Variants in MARCHF11 observed in about 807,000 individuals in gnomAD.
The protein encoded by MARCHF11 is membrane associated ring-CH-type finger 11.
In MARCHF11, 29 loss-of-function variants were observed where a neutral mutation model predicts 37.3. The ratio of observed to expected loss-of-function variants is 0.78; its 90% CI spans 0.58 to 1.06. MARCHF11 has a LOEUF of 1.06. MARCHF11 is among the 50% of genes least tolerant of loss of function. MARCHF11 has a pLI of 0.00. For missense variants in MARCHF11, 482 were observed against 533.4 expected, an observed-to-expected ratio of 0.90 and a Z score of 0.95; for synonymous variants, 233 against 228.0, an observed-to-expected ratio of 1.02 and a Z score of -0.20.
intron 2 of MARCHF11, among the ~76,000 whole-genome samples, chr5:16,126,172 G>T (rs1376139045): frequency 1.3e-5 from 2 of 152,140 alleles, no homozygotes; most frequent in African/African-American, 4.8e-5. Flanking sequence ...AAGGGATAAA[G>T]AATCCATCAC....
At chr5:16,175,236 C>T (rs1738335663) in intron 2 of MARCHF11, among the ~76,000 whole-genome samples, 1 of 152,230 alleles carries the variant, frequency 6.6e-6, no homozygotes, top group African/African-American at 2.4e-5. Flanking sequence ...TGACTCTTAA[C>T]AGATCATAAA....
At chr5:16,160,957 CTG>C (rs1738066144) in intron 2 of MARCHF11, among the ~76,000 whole-genome samples, 1 of 151,998 alleles carries the variant, frequency 6.6e-6, no homozygotes, top group African/African-American at 2.4e-5. Context: ...TGACGTCTAA[CTG>C]AGGACATGGA....
intron 2 of MARCHF11, among the ~76,000 whole-genome samples, chr5:16,162,863 G>A (rs182274637): frequency 6.6e-6 from 1 of 151,990 alleles, no homozygotes; most frequent in Non-Finnish European, 1.5e-5. Context: ...GAATCAATAA[G>A]AGACCATCAA....
Position 16,162,922 on chromosome 5 carries a change from T to C in MARCHF11, c.693+14804A>G, listed in dbSNP as rs528242612. ...ACTTGATTTCATCCTTCCAACAACA[T>C]TAAGAAATGAAACATAGAGTAGCGT... On this transcript the variant is annotated intron_variant, in intron 2 of 3. Coordinates refer to ENST00000332432, the MANE Select transcript of MARCHF11 (RefSeq NM_001102562.3). Among the ~76,000 whole-genome samples the C allele has an allele frequency of 3.3e-5, 5 of 151,938 alleles. No homozygotes were observed. The East Asian group carries it at 9.7e-4, about 30-fold the overall frequency.
chr5:16,121,922 A>G (rs1737314852), intron 2 of MARCHF11, among the ~76,000 whole-genome samples: 1 of 152,198 alleles, frequency 6.6e-6, no homozygotes, highest in African/African-American at 2.4e-5. Flanking sequence ...TCTGCCAGGT[A>G]CTAGTCTATG....
chr5:16,156,710 G>A (rs1016420707), intron 2 of MARCHF11, among the ~76,000 whole-genome samples: 4 of 151,716 alleles, frequency 2.6e-5, no homozygotes, highest in East Asian at 1.9e-4. Context: ...AAGTGATTTC[G>A]TCCTTGTACA....
At chr5:16,073,480 A>G (rs1341663002) in intron 3 of MARCHF11, among the ~76,000 whole-genome samples, 9 of 152,150 alleles carry the variant, frequency 5.9e-5, no homozygotes, top group Admixed American at 5.2e-4. Flanking sequence ...AGCAATAACC[A>G]TAAGTCATGG....
intron 2 of MARCHF11, among the ~76,000 whole-genome samples, chr5:16,132,694 G>C (rs1579401618): frequency 6.6e-6 from 1 of 152,220 alleles, no homozygotes; most frequent in East Asian, 1.9e-4. Context: ...TAAAGAAAAT[G>C]CAAGGACATT....
At chr5:16,153,508 A>G (rs1343717758) in intron 2 of MARCHF11, among the ~76,000 whole-genome samples, 2 of 152,010 alleles carry the variant, frequency 1.3e-5, no homozygotes, top group Non-Finnish European at 2.9e-5. Flanking sequence ...CAGCATGTTC[A>G]GTGTTGTGTT....
intron 2 of MARCHF11, among the ~76,000 whole-genome samples, chr5:16,156,815 T>C (rs1737984376): frequency 6.6e-6 from 1 of 151,846 alleles, no homozygotes; most frequent in Non-Finnish European, 1.5e-5. Flanking sequence ...TACAAGCCTA[T>C]ACAATATATT....
intron 2 of MARCHF11, among the ~76,000 whole-genome samples, chr5:16,112,436 T>G (rs1416488698): frequency 6.6e-6 from 1 of 152,194 alleles, no homozygotes; most frequent in East Asian, 1.9e-4. Context: ...ACTACCCCAC[T>G]GGATTCTGGA....
intron 3 of MARCHF11, among the ~76,000 whole-genome samples, chr5:16,077,054 C>A (rs115114056): frequency 1.3e-3 from 191 of 152,308 alleles, no homozygotes; most frequent in African/African-American, 4.5e-3. Context: ...TTACGGCAAC[C>A]TTCACAATTT....
chr5:16,067,375 T>C lies in MARCHF11; in HGVS notation c.*96A>G, dbSNP rs1157846264. ...AAAAGCATAAATTTTAAAAAGTTCA[T>C]AGATGTGTTTTTAGAAGTGCTATGG... is the stretch of plus-strand genomic sequence containing the variant. On this transcript the variant is annotated 3_prime_UTR_variant, in exon 4 of 4. Coordinates refer to ENST00000332432, the MANE Select transcript of MARCHF11 (RefSeq NM_001102562.3). 1.9e-5 allele frequency: 21 copies of C among 1,129,680 alleles called. No homozygotes were observed. Among genetic ancestry groups the C allele is most frequent in the Non-Finnish European group, 2.5e-5 (20 of 788,598 alleles). 70.0% of individuals were successfully genotyped at this position (1,129,680 alleles called of 1,614,324 possible).
At chr5:16,162,343 C>A (rs949191554) in intron 2 of MARCHF11, among the ~76,000 whole-genome samples, 1 of 151,918 alleles carries the variant, frequency 6.6e-6, no homozygotes, top group Non-Finnish European at 1.5e-5. Context: ...TTGATATAAG[C>A]TGTAAATATT....
chr5:16,127,552 G>C (rs1257375578), intron 2 of MARCHF11, among the ~76,000 whole-genome samples: 1 of 152,160 alleles, frequency 6.6e-6, no homozygotes, highest in African/African-American at 2.4e-5. Context: ...TGAACCGCCT[G>C]GGTCAACACA....
chr5:16,129,305 T>C (rs185120205), intron 2 of MARCHF11: 15 of 152,314 alleles, frequency 9.8e-5, no homozygotes, highest in Non-Finnish European at 2.1e-4. Context: ...GTATGTAAGA[T>C]TGTAGAATGG....
At chr5:16,076,163 T>C (rs952862876) in intron 3 of MARCHF11, among the ~76,000 whole-genome samples, 5 of 152,222 alleles carry the variant, frequency 3.3e-5, no homozygotes, top group African/African-American at 1.2e-4. Context: ...AAATTCCTTG[T>C]AGATGGGAGT....
chr5:16,085,591 C>T (rs1374309409), intron 3 of MARCHF11, among the ~76,000 whole-genome samples: 2 of 82,264 alleles, frequency 2.4e-5, no homozygotes, highest in Admixed American at 1.0e-4. Flanking sequence ...TGGGTGGGGT[C>T]GGGGGGGGGA....
chr5:16,179,325 G>A lies in MARCHF11; in HGVS notation c.251C>T (p.Pro84Leu). Reference sequence around the variant, plus strand: ...GGCGGGCTGCAGGGGCAGGGGCGGAGGCGGCAGCTCGTCCGCTCCCCTGCA... The same window carrying A: ...GGCGGGCTGCAGGGGCAGGGGCGGAAGCGGCAGCTCGTCCGCTCCCCTGCA... ...PRCRGADELP[P>L]PPLPLQPAGQ... The change falls in exon 1 of 4, where the codon CCT becomes CTT. Residue 84 changes from proline (P) to leucine (L), a missense_variant. Physicochemically the swap from Pro to Leu is moderately conservative, Grantham distance 98. Coordinates refer to ENST00000332432, the MANE Select transcript of MARCHF11 (RefSeq NM_001102562.3). The A allele has an allele frequency of 1.6e-6, 2 of 1,235,402 alleles. No homozygotes were observed. The highest frequency in any genetic ancestry group is 2.0e-6 in the Non-Finnish European group (2 of 989,474). 76.5% of individuals were successfully genotyped at this position (1,235,402 alleles called of 1,614,324 possible).
Sources: gnomAD v4.1 joint callset for allele counts (sites outside exome capture counted in the v4.1 genomes callset) on GRCh38, gnomAD v4.1.1 for gene constraint, MANE v1.5 for transcripts, NCBI Gene and HGNC (gene_info 2026-07-23, HGNC 2026-07-21) for gene names.